CLCN1: variants seen among roughly 807,000 people sequenced by gnomAD.
CLCN1 encodes the protein chloride channel protein 1.
A neutral mutation model predicts 114.5 loss-of-function variants in CLCN1; 100 were observed. The ratio of observed to expected loss-of-function variants is 0.87; its 90% CI spans 0.74 to 1.03. The LOEUF is 1.03. CLCN1 is among the 50% of genes least tolerant of loss of function. The probability of loss-of-function intolerance (pLI) is 0.00; values close to 1 mark genes in which losing one functional copy is unlikely to be tolerated. For missense variants in CLCN1, 1,188 were observed against 1,250.0 expected, an observed-to-expected ratio of 0.95 and a Z score of 0.75; for synonymous variants, 485 against 487.1, an observed-to-expected ratio of 1.00 and a Z score of 0.06.
intron 22 of CLCN1, 35 bp from the exon 23 acceptor site, chr7:143,351,558 CT>C: frequency 6.2e-7 from 1 of 1,610,684 alleles, no homozygotes; most frequent in East Asian, 2.2e-5. Context: ...CTTTTTCCAA[CT>C]TTTTACCCTC....
intron 12 of CLCN1, among the ~76,000 whole-genome samples, chr7:143,334,979 C>A (rs1802834118): frequency 6.6e-6 from 1 of 152,174 alleles, no homozygotes; most frequent in Non-Finnish European, 1.5e-5. Context: ...TCTACAGTAA[C>A]CAAGTACAAA....
chr7:143,316,293 T>C lies in CLCN1; in HGVS notation c.81T>C (p.Phe27=). The change falls in exon 1 of 23, where the codon TTT becomes TTC. Residue 27 remains phenylalanine, a synonymous_variant. Transcript: ENST00000343257. ...GSDPQYQYMP[F]EHCTSYGLPS... The stretch of plus-strand genomic sequence containing the variant: ...ACCCCCAGTACCAGTATATGCCCTT[T>C]GAACACTGCACCAGCTACGGACTGC... The C allele has an allele frequency of 6.2e-7, 1 of 1,613,760 alleles. No homozygotes were observed.
chr7:143,330,718 G>C (rs1348733087), intron 7 of CLCN1, 54 bp from the exon 8 acceptor site: 5 of 1,612,174 alleles, frequency 3.1e-6, no homozygotes, highest in Non-Finnish European at 4.2e-6. Flanking sequence ...TGGGGAGTGT[G>C]GGGGAGCACT....
In CLCN1 at chr7:143,350,764, C is replaced by G; in HGVS notation, c.2595+110C>G. On this transcript the variant is annotated intron_variant, in intron 22 of 22. Transcript: ENST00000343257. This position sits in a 1 kb window ranked among gnomAD's most constrained non-coding sequence, Gnocchi z 5.1. ...GCATCTCAGAAGTCCCCTCAGATTC[C>G]CTTCTCTATTTCTTTCTTTTTTTTT... 1 of 785,006 alleles carries G rather than the reference C, an allele frequency of 1.3e-6. No homozygotes were observed. Among genetic ancestry groups the G allele is most frequent in the East Asian group, 2.4e-5 (1 of 40,848 alleles). The allele number at this position is 785,006 out of a possible 1,614,324, so 48.6% of individuals were successfully genotyped here.
intron 7 of CLCN1, among the ~76,000 whole-genome samples, chr7:143,325,759 A>T (rs1407844967): frequency 6.6e-6 from 1 of 152,236 alleles, no homozygotes; most frequent in African/African-American, 2.4e-5. Context: ...TAAAATTGGA[A>T]TTTCTGAGAA....
intron 11 of CLCN1, 101 bp from the exon 12 acceptor site, chr7:143,332,623 A>G (rs555474798): frequency 1.3e-6 from 2 of 1,548,900 alleles, no homozygotes; most frequent in East Asian, 2.2e-5. Context: ...GAAAAGGGCA[A>G]AAGAGACCCT....
Position 143,332,405 on chromosome 7 carries a change from TG to T in CLCN1, c.1167-13del. 6.2e-7 allele frequency: 1 copy of T among 1,608,402 alleles called. No homozygotes were observed. Among genetic ancestry groups the T allele is most frequent in the Non-Finnish European group, 8.5e-7 (1 of 1,174,758 alleles). ...TTGGCTGAATTGTGGCGGTTAACTC[TG>T]TTTCTTTTTCAGCCGCCTGCTGTAT... On this transcript the variant is annotated splice_polypyrimidine_tract_variant and intron_variant, in intron 10 of 22. Coordinates refer to ENST00000343257, the MANE Select transcript of CLCN1 (RefSeq NM_000083.3).
At chr7:143,326,226 CAGGCTGCTCTCAACCTCCTGACCTCAA>C (rs1338121466) in intron 7 of CLCN1, among the ~76,000 whole-genome samples, 11 of 114,204 alleles carry the variant, frequency 9.6e-5, no homozygotes, top group African/African-American at 3.9e-4. Flanking sequence ...CCATGTTGGC[CAGGCTGCTCTCAACCTCCTGACCTCAA>C]GTGATCCGCC....
intron 12 of CLCN1, among the ~76,000 whole-genome samples, chr7:143,336,030 A>C (rs1401961334): frequency 3.3e-5 from 5 of 152,178 alleles, no homozygotes; most frequent in Non-Finnish European, 7.3e-5. Flanking sequence ...GGAAAGTGTC[A>C]TTACATTATA....
rs1803412320 is a variant in CLCN1 at position 143,351,702 on chromosome 7, T to C, written c.2704T>C (p.Ser902Pro). The C allele has an allele frequency of 6.2e-7, 1 of 1,614,160 alleles. No homozygotes were observed. The part of the protein sequence containing the change: ...STRKSTGAPP[S>P]SAENWNLPED... ...TCGAAAGAGTACCGGGGCACCTCCA[T>C]CTTCTGCAGAGAACTGGAACCTGCC... is the stretch of plus-strand genomic sequence containing the variant. The change falls in exon 23 of 23, where the codon TCT (serine) becomes CCT (proline). Residue 902 changes from serine (S) to proline (P), a missense_variant. By Grantham distance (74) the Ser-to-Pro change is moderately conservative. Transcript: ENST00000343257.
intron 16 of CLCN1, among the ~76,000 whole-genome samples, chr7:143,344,154 T>G (rs1803164321): frequency 6.6e-6 from 1 of 152,254 alleles, no homozygotes; most frequent in African/African-American, 2.4e-5. Context: ...CTGTTTCACA[T>G]GGAGGAGTGA....
chr7:143,334,659 G>C (rs879463179), intron 12 of CLCN1, among the ~76,000 whole-genome samples: 7 of 152,138 alleles, frequency 4.6e-5, no homozygotes, highest in Admixed American at 1.3e-4. Flanking sequence ...AGAGACAGCA[G>C]ATACGTGAAA....
At position 143,350,404 on chromosome 7, in the gene CLCN1, G is replaced by A; in HGVS notation, c.2436G>A (p.Gln812=). The change falls in exon 21 of 23, where the codon CAG becomes CAA. Residue 812 remains glutamine, a synonymous_variant. Transcript: ENST00000343257. This position sits in a 1 kb window ranked among gnomAD's most constrained non-coding sequence, Gnocchi z 5.1. ...CCTGGGAGCAGGAGCAGCTGAGCCA[G>A]CCTGTCTGTTTTGATTCCTGCTGTA... ...IEAWEQEQLS[Q]PVCFDSCCID... is the part of the protein sequence containing the mutation. 1 of 1,614,210 alleles carries A rather than the reference G, an allele frequency of 6.2e-7. No individual in the cohort carries two copies. The highest frequency in any genetic ancestry group is 8.5e-7 in the Non-Finnish European group (1 of 1,180,022).
At chr7:143,338,508 G>A (rs915923578) in intron 12 of CLCN1, among the ~76,000 whole-genome samples, 1 of 152,104 alleles carries the variant, frequency 6.6e-6, no homozygotes, top group Non-Finnish European at 1.5e-5. Flanking sequence ...CTCCTTGGCC[G>A]GGCGCATCGG....
rs1224200077 is a variant in CLCN1 at position 143,345,556 on chromosome 7, G to A, written c.1966G>A (p.Glu656Lys). The A allele has an allele frequency of 1.9e-6, 3 of 1,545,076 alleles. No individual in the cohort carries two copies. In the Admixed American group the frequency reaches 5.9e-5, roughly 30 times the overall value. The change falls in exon 17 of 23, where the codon GAA becomes AAA. Residue 656 changes from glutamate (E) to lysine (K), a missense_variant. Coordinates refer to ENST00000343257, the MANE Select transcript of CLCN1 (RefSeq NM_000083.3). Reference sequence around the variant, plus strand: ...CCTGCTGGGCTCGGTGGAGCGGTCGGAACTGCAGGCCCTCCTGCAGCGCCA... The same window carrying A: ...CCTGCTGGGCTCGGTGGAGCGGTCGAAACTGCAGGCCCTCCTGCAGCGCCA... ...MILLGSVERS[E>K]LQALLQRHLC... is the part of the protein sequence containing the mutation.
At position 143,319,932 on chromosome 7, in the gene CLCN1, A is replaced by G. The variant is rs886189283; in HGVS notation, c.301+57A>G. On this transcript the variant is annotated intron_variant, in intron 2 of 22. Transcript: ENST00000343257. ...AGTAGAAACAGGTACAGGGATTAGG[A>G]GAATAACTTGGGCATCCCATTGCAC... 3 of 1,596,242 alleles carry G rather than the reference A, an allele frequency of 1.9e-6. No homozygotes were observed. The East Asian group carries it at 6.7e-5, about 36-fold the overall frequency.
Position 143,316,200 on chromosome 7 carries a change from G to T in CLCN1, c.-13G>T. Reference sequence around the variant, plus strand: ...GCAGGCCAAGGCCTGGCCGGGGCTCGGGGGGAGGGAATATGGAGCAATCCC... The same window carrying T: ...GCAGGCCAAGGCCTGGCCGGGGCTCTGGGGGAGGGAATATGGAGCAATCCC... On this transcript the variant is annotated 5_prime_UTR_variant, in exon 1 of 23. Coordinates refer to ENST00000343257, the MANE Select transcript of CLCN1 (RefSeq NM_000083.3). The T allele has an allele frequency of 6.2e-7, 1 of 1,607,540 alleles. No homozygotes were observed. Among genetic ancestry groups the T allele is most frequent in the Non-Finnish European group, 8.5e-7 (1 of 1,175,862 alleles).
intron 7 of CLCN1, among the ~76,000 whole-genome samples, chr7:143,325,723 C>A (rs1477896570): frequency 6.6e-6 from 1 of 152,144 alleles, no homozygotes; most frequent in African/African-American, 2.4e-5. Context: ...ATTCTCTTAA[C>A]ATGAAGAGAA....
In CLCN1 at chr7:143,342,093, C is replaced by T; in HGVS notation, c.1747C>T (p.Gln583Ter). Residue 583 changes from glutamine to a stop codon, truncating the protein, a stop_gained, in exon 15 of 23, where the codon CAG (glutamine) becomes TAG (stop). Transcript: ENST00000343257. LOFTEE classifies it high-confidence loss of function. ...LQPSLYDSII[Q>*]VKKLPYLPDL... is the part of the protein sequence containing the mutation. ...GCCCTCTCTCTATGACAGCATCATC[C>T]AGGTCAAGAAGCTACCCTACTTGCC... 6.2e-7 allele frequency: 1 copy of T among 1,614,182 alleles called. No homozygotes were observed. The highest frequency in any genetic ancestry group is 8.5e-7 in the Non-Finnish European group (1 of 1,180,044).
Sources: gnomAD v4.1 joint callset for allele counts (sites outside exome capture counted in the v4.1 genomes callset) on GRCh38, gnomAD v4.1.1 for gene constraint, Gnocchi (gnomAD v3.1) non-coding constraint, MANE v1.5 for transcripts, NCBI Gene and HGNC (gene_info 2026-07-23, HGNC 2026-07-21) for gene names.